The following RBM33 variants were observed in gnomAD, a reference collection of about 807,000 sequenced individuals.
The protein encoded by RBM33 is RNA binding motif protein 33, also known as RNA-binding protein 33.
A neutral mutation model predicts 132.6 loss-of-function variants in RBM33; 28 were observed. That is an observed-to-expected ratio of 0.21 (90% CI 0.16 to 0.29). RBM33 has a LOEUF of 0.29. Ranked by LOEUF, RBM33 falls within the 10% of genes least tolerant of loss-of-function variation. The probability of loss-of-function intolerance (pLI) is 1.00; values close to 1 mark genes in which losing one functional copy is unlikely to be tolerated. For synonymous variants in RBM33, 634 were observed against 593.0 expected (o/e 1.07, Z -1.01); for missense variants, 1,291 against 1,518.5 (o/e 0.85, Z 2.49).
intron 14 of RBM33, among the ~76,000 whole-genome samples, chr7:155,757,768 A>G (rs1801899625): frequency 6.6e-6 from 1 of 151,732 alleles, no homozygotes; most frequent in African/African-American, 2.4e-5. Context: ...TACAGGAAGC[A>G]TGGTGCCGGC....
intron 1 of RBM33, among the ~76,000 whole-genome samples, chr7:155,649,791 T>TAAAACA (rs1798305365): frequency 1.3e-5 from 2 of 152,156 alleles, no homozygotes; most frequent in Non-Finnish European, 2.9e-5. Flanking sequence ...GAGCTGCAAA[T>TAAAACA]AAAACAAAAC....
At chr7:155,756,201 A>G (rs1303384309) in intron 14 of RBM33, among the ~76,000 whole-genome samples, 1 of 152,246 alleles carries the variant, frequency 6.6e-6, no homozygotes, top group African/African-American at 2.4e-5. Flanking sequence ...GCCTTCTAAA[A>G]TTCAATTTGA....
At chr7:155,673,940 G>GTTGTTGTTTGTTTTTTGTTTTTT in intron 3 of RBM33, among the ~76,000 whole-genome samples, 1 of 54,214 alleles carries the variant, frequency 1.8e-5, no homozygotes. Context: ...TTTAGGCTTA[G>GTTGTTGTTTGTTTTTTGTTTTTT]TTTTTTTTTT....
In RBM33 at chr7:155,700,716, A is replaced by G; in HGVS notation, c.568-57A>G. 3 of 1,219,118 alleles carry G rather than the reference A, an allele frequency of 2.5e-6. No individual in the cohort carries two copies. In the South Asian group the frequency reaches 4.5e-5, roughly 18 times the overall value. 75.5% of individuals were successfully genotyped at this position (1,219,118 alleles called of 1,614,324 possible). ...AATATTTTAGCATTCTTTAATATTT[A>G]ATTCAAAAGAATATGAACTTACTGT... On this transcript the variant is annotated intron_variant, in intron 5 of 17. Coordinates refer to ENST00000401878, the MANE Select transcript of RBM33 (RefSeq NM_053043.3).
chr7:155,741,824 A>T lies in RBM33; in HGVS notation c.2055A>T (p.Thr685=), dbSNP rs1477192191. Residue 685 remains threonine, a synonymous_variant, in exon 13 of 18, where the codon ACA becomes ACT. Transcript: ENST00000401878. The part of the protein sequence containing the change: ...CPQRQGLRHN[T]TSQNVSKRPM... ...CTCTTTCTTTTTGTGAAAAGAATACAACTTCTCAGAATGTAAGCAAGCGGC... is the reference window on the plus strand; with the variant it reads ...CTCTTTCTTTTTGTGAAAAGAATACTACTTCTCAGAATGTAAGCAAGCGGC... 3 of 1,606,840 alleles carry T rather than the reference A, an allele frequency of 1.9e-6. No homozygotes were observed. The highest frequency in any genetic ancestry group is 1.7e-5 in the Admixed American group (1 of 59,714).
chr7:155,658,212 C>T (rs1203307942), intron 1 of RBM33, among the ~76,000 whole-genome samples: 1 of 151,926 alleles, frequency 6.6e-6, no homozygotes, highest in Non-Finnish European at 1.5e-5. Flanking sequence ...TACAGTATTC[C>T]TTCTTTTTGA....
chr7:155,688,562 A>T (rs1043329966), intron 5 of RBM33, among the ~76,000 whole-genome samples: 8 of 152,218 alleles, frequency 5.3e-5, no homozygotes, highest in African/African-American at 1.7e-4. Flanking sequence ...GGCAGTTTTC[A>T]AAGGGAATGC....
intron 5 of RBM33, chr7:155,684,955 A>C (rs976218076): frequency 6.4e-7 from 1 of 1,550,544 alleles, no homozygotes; most frequent in Admixed American, 2.0e-5. Flanking sequence ...TTGCAGGCTT[A>C]TGGTGGGCAA....
intron 5 of RBM33, among the ~76,000 whole-genome samples, chr7:155,698,162 T>A (rs996668744): frequency 6.6e-6 from 1 of 152,010 alleles, no homozygotes; most frequent in African/African-American, 2.4e-5. Flanking sequence ...AGGTCAGGAT[T>A]TTGAGACCAG....
chr7:155,745,650 T>C lies in RBM33; in HGVS notation c.2979+48T>C. ...AGCCTCTTTGAGTCTGTGTATCACA[T>C]AGAATGTCCTCATTTGCAGAGAATG... On this transcript the variant is annotated intron_variant, in intron 14 of 17. Transcript: ENST00000401878. The surrounding 1 kb of genome is among the most constrained non-coding windows in gnomAD (Gnocchi z 4.1). 2 of 1,426,690 alleles carry C rather than the reference T, an allele frequency of 1.4e-6. No homozygotes were observed. Among genetic ancestry groups the C allele is most frequent in the South Asian group, 1.4e-5 (1 of 70,048 alleles). 88.4% of individuals were successfully genotyped at this position (1,426,690 alleles called of 1,614,324 possible).
chr7:155,779,454 T>C lies in RBM33; in HGVS notation c.*4413T>C, dbSNP rs1802739715. On this transcript the variant is annotated 3_prime_UTR_variant, in exon 18 of 18. Coordinates refer to ENST00000401878, the MANE Select transcript of RBM33 (RefSeq NM_053043.3). Reference sequence around the variant, plus strand: ...CATTTCAGTTAACTTTTTCAGCTATTTTTAAAGTTTGTGAATGGAGTGTTA... The same window carrying C: ...CATTTCAGTTAACTTTTTCAGCTATCTTTAAAGTTTGTGAATGGAGTGTTA... 3 of 152,214 alleles carry C rather than the reference T, an allele frequency of 2.0e-5. No individual in the cohort carries two copies. The highest frequency in any genetic ancestry group is 7.2e-5 in the African/African-American group (3 of 41,450). 9.4% of individuals were successfully genotyped at this position (152,214 alleles called of 1,614,324 possible).
intron 1 of RBM33, among the ~76,000 whole-genome samples, chr7:155,647,122 A>G (rs758465002): frequency 3.3e-5 from 5 of 152,344 alleles, no homozygotes; most frequent in Non-Finnish European, 7.4e-5. Context: ...ACTTCTTAAA[A>G]TGGCAGCCAC....
At chr7:155,673,958 T>TTTTTGTTTTG (rs1799100929) in intron 3 of RBM33, among the ~76,000 whole-genome samples, 1 of 123,452 alleles carries the variant, frequency 8.1e-6, no homozygotes, top group African/African-American at 3.0e-5. Context: ...TTTTTTTTTT[T>TTTTTGTTTTG]TTTTTTTTTT....
intron 2 of RBM33, among the ~76,000 whole-genome samples, chr7:155,670,486 A>G (rs111263734): frequency 1.3e-5 from 2 of 152,330 alleles, no homozygotes; most frequent in Non-Finnish European, 2.9e-5. Flanking sequence ...TACGATGACA[A>G]GAAGAAAAGT....
At chr7:155,729,809 A>G (rs1800903179) in intron 9 of RBM33, among the ~76,000 whole-genome samples, 2 of 151,638 alleles carry the variant, frequency 1.3e-5, no homozygotes, top group South Asian at 2.1e-4. Context: ...TTCTGTCTCT[A>G]AACCAGTGAT....
intron 9 of RBM33, 65 bp downstream of exon 9, chr7:155,718,508 AT>A: frequency 7.5e-7 from 1 of 1,336,458 alleles, no homozygotes; most frequent in Non-Finnish European, 1.1e-6. Context: ...AAATATTAAT[AT>A]AGCAAGTGCA....
At chr7:155,648,992 G>T (rs1798280147) in intron 1 of RBM33, among the ~76,000 whole-genome samples, 1 of 152,092 alleles carries the variant, frequency 6.6e-6, no homozygotes, top group Non-Finnish European at 1.5e-5. Flanking sequence ...TGGGTCTCCA[G>T]ATTTATCCTG....
chr7:155,673,727 CACAT>C (rs1408226549), intron 3 of RBM33, among the ~76,000 whole-genome samples: 29 of 145,094 alleles, frequency 2.0e-4, no homozygotes, highest in Middle Eastern at 3.5e-3. Flanking sequence ...TATATACACA[CACAT>C]ATATACATAC....
chr7:155,690,466 C>T (rs1021896485), intron 5 of RBM33, among the ~76,000 whole-genome samples: 1 of 152,152 alleles, frequency 6.6e-6, no homozygotes, highest in African/African-American at 2.4e-5. Context: ...AGCCCATTTA[C>T]ATTTAAGGTT....
Sources: gnomAD v4.1 joint callset for allele counts (sites outside exome capture counted in the v4.1 genomes callset) on GRCh38, gnomAD v4.1.1 for gene constraint, Gnocchi (gnomAD v3.1) non-coding constraint, MANE v1.5 for transcripts, NCBI Gene and HGNC (gene_info 2026-07-23, HGNC 2026-07-21) for gene names.